CTIF: variants seen among roughly 807,000 people sequenced by gnomAD.
CTIF encodes CBP80/20-dependent translation initiation factor.
A neutral mutation model predicts 66.0 loss-of-function variants in CTIF; 21 were observed. That is an observed-to-expected ratio of 0.32 (90% CI 0.23 to 0.46). The LOEUF is 0.46. CTIF is among the 20% of genes least tolerant of loss of function. The pLI is 1.00. For missense variants in CTIF, 739 were observed against 812.7 expected (o/e 0.91, Z 1.10); for synonymous variants, 345 against 326.4 (o/e 1.06, Z -0.62).
At position 48,616,271 on chromosome 18, in the gene CTIF, C is replaced by T. The variant is rs2090398046; in HGVS notation, c.-28-3267C>T. Among the ~76,000 whole-genome samples the T allele has an allele frequency of 2.0e-5, 3 of 152,384 alleles. No individual in the cohort carries two copies. The South Asian group carries it at 6.2e-4, about 32-fold the overall frequency. On this transcript the variant is annotated intron_variant, in intron 1 of 11. Transcript: ENST00000256413. ...TCTCCTGCAGGTGGCTCCTTTTCAG[C>T]CCTCTCTGGACATCGGCGGTTTTAT...
intron 6 of CTIF, among the ~76,000 whole-genome samples, chr18:48,697,788 A>G (rs528469848): frequency 6.6e-6 from 1 of 152,206 alleles, no homozygotes; most frequent in East Asian, 1.9e-4. Flanking sequence ...CTGAGAGATG[A>G]CATGTGAGGG....
intron 10 of CTIF, among the ~76,000 whole-genome samples, chr18:48,842,823 C>G (rs188601043): frequency 6.6e-6 from 1 of 152,244 alleles, no homozygotes; most frequent in Non-Finnish European, 1.5e-5. Flanking sequence ...GCTCCCTCCA[C>G]GGAGACACTT....
intron 10 of CTIF, among the ~76,000 whole-genome samples, chr18:48,831,045 A>G (rs533766012): frequency 6.6e-6 from 1 of 152,366 alleles, no homozygotes; most frequent in South Asian, 2.1e-4. Context: ...ATCTGGAATG[A>G]TTTCTCAGTG....
At chr18:48,805,867 C>A (rs374257504) in intron 9 of CTIF, among the ~76,000 whole-genome samples, 5 of 152,260 alleles carry the variant, frequency 3.3e-5, no homozygotes, top group Admixed American at 6.5e-5. Flanking sequence ...TGTCTGACCA[C>A]GTACCGTGGG....
At chr18:48,587,935 C>T (rs1011086451) in intron 1 of CTIF, among the ~76,000 whole-genome samples, 5 of 152,214 alleles carry the variant, frequency 3.3e-5, no homozygotes, top group African/African-American at 1.2e-4. Context: ...TTACCAAAGG[C>T]ATCTTGGGGT....
intron 7 of CTIF, among the ~76,000 whole-genome samples, chr18:48,751,478 C>T (rs1178450247): frequency 3.3e-5 from 5 of 152,198 alleles, no homozygotes; most frequent in Admixed American, 6.5e-5. Flanking sequence ...CAGCCCTGTG[C>T]GCTGGAGTCA....
chr18:48,659,894 A>G (rs1245711561), intron 3 of CTIF, among the ~76,000 whole-genome samples: 1 of 152,174 alleles, frequency 6.6e-6, no homozygotes, highest in Non-Finnish European at 1.5e-5. Context: ...GTTTCTTGTC[A>G]TTTAAATATG....
chr18:48,560,374 C>T (rs1173903999), intron 1 of CTIF, among the ~76,000 whole-genome samples: 1 of 151,844 alleles, frequency 6.6e-6, no homozygotes, highest in African/African-American at 2.4e-5. Flanking sequence ...TACAGGCACC[C>T]ACCACCACAC....
At chr18:48,551,488 C>A (rs2088879693) in intron 1 of CTIF, among the ~76,000 whole-genome samples, 1 of 152,124 alleles carries the variant, frequency 6.6e-6, no homozygotes, top group Non-Finnish European at 1.5e-5. Context: ...GATTTGTGGT[C>A]CTCTGTTATG....
At chr18:48,858,713 TA>T (rs1180650363) in intron 11 of CTIF, among the ~76,000 whole-genome samples, 1 of 152,066 alleles carries the variant, frequency 6.6e-6, no homozygotes, top group Non-Finnish European at 1.5e-5. Context: ...TTTTCAAGAT[TA>T]TCTAGGGCTC....
At chr18:48,818,506 C>G (rs1048142123) in intron 10 of CTIF, among the ~76,000 whole-genome samples, 1 of 152,084 alleles carries the variant, frequency 6.6e-6, no homozygotes, top group Non-Finnish European at 1.5e-5. Context: ...AGGGAACTGC[C>G]CGGAGGTTGG....
chr18:48,750,474 C>G (rs1399909226), intron 7 of CTIF, among the ~76,000 whole-genome samples: 3 of 152,284 alleles, frequency 2.0e-5, no homozygotes, highest in Non-Finnish European at 4.4e-5. Context: ...GCTTTCCTCC[C>G]TTCCCCACGA....
chr18:48,700,390 C>T (rs893044068), intron 6 of CTIF, among the ~76,000 whole-genome samples: 2 of 152,202 alleles, frequency 1.3e-5, no homozygotes, highest in African/African-American at 4.8e-5. Flanking sequence ...AATACACATG[C>T]CTGTGGCCTC....
At chr18:48,854,054 C>A (rs2069269141) in intron 10 of CTIF, among the ~76,000 whole-genome samples, 1 of 152,152 alleles carries the variant, frequency 6.6e-6, no homozygotes, top group Admixed American at 6.5e-5. Flanking sequence ...ATGCATAAAT[C>A]ATGTTGACCA....
Position 48,817,311 on chromosome 18 carries a change from A to T in CTIF, c.1462A>T (p.Met488Leu). 2 of 1,613,982 alleles carry T rather than the reference A, an allele frequency of 1.2e-6. No individual in the cohort carries two copies. The highest frequency in any genetic ancestry group is 1.7e-6 in the Non-Finnish European group (2 of 1,179,962). Residue 488 changes from methionine to leucine, a missense_variant, in exon 10 of 12, where the codon ATG (methionine) becomes TTG (leucine). Met to Leu is a conservative substitution (Grantham distance 15). This residue lies in a region of CTIF where 210 missense variants were observed against 292.3 expected (regional missense o/e 0.72). Transcript: ENST00000256413. ...ITFLCEVFGT[M>L]RSSTGEPFRV... ...CTTCCTGTGCGAGGTCTTCGGCACC[A>T]TGCGCAGCAGCACAGGCGAGCCCTT...
At chr18:48,629,369 G>A (rs1360641678) in intron 2 of CTIF, among the ~76,000 whole-genome samples, 8 of 152,086 alleles carry the variant, frequency 5.3e-5, no homozygotes, top group African/African-American at 9.7e-5. Flanking sequence ...TTGCATATCC[G>A]ATTAACATCT....
chr18:48,709,835 G>A (rs1174440954), intron 6 of CTIF, among the ~76,000 whole-genome samples: 1 of 152,264 alleles, frequency 6.6e-6, no homozygotes, highest in Non-Finnish European at 1.5e-5. Context: ...TATTGTGGCT[G>A]CCTGGAGCCC....
chr18:48,627,828 G>A (rs892985059), intron 2 of CTIF, among the ~76,000 whole-genome samples: 1 of 152,068 alleles, frequency 6.6e-6, no homozygotes, highest in African/African-American at 2.4e-5. Context: ...TTTGAAGGAG[G>A]TGAGAGTGAG....
At chr18:48,563,232 C>A (rs2089202992) in intron 1 of CTIF, among the ~76,000 whole-genome samples, 1 of 152,230 alleles carries the variant, frequency 6.6e-6, no homozygotes, top group Admixed American at 6.5e-5. Context: ...CCTCCTCCAC[C>A]CTTGGGGATG....
Sources: allele counts gnomAD v4.1 joint callset (sites outside exome capture counted in the v4.1 genomes callset), GRCh38; gene constraint gnomAD v4.1.1; regional missense constraint gnomAD v4.1.1; transcripts MANE v1.5; gene names NCBI Gene and HGNC (gene_info 2026-07-23, HGNC 2026-07-21).